NLGN1: variants seen among roughly 807,000 people sequenced by gnomAD.
The protein encoded by NLGN1 is neuroligin-1.
A neutral mutation model predicts 65.5 loss-of-function variants in NLGN1; 12 were observed. That is an observed-to-expected ratio of 0.18 (90% CI 0.12 to 0.30). The LOEUF is 0.30. Ranked by LOEUF, NLGN1 falls within the 10% of genes least tolerant of loss-of-function variation. The pLI is 1.00. For synonymous variants in NLGN1, 350 were observed against 359.5 expected, an observed-to-expected ratio of 0.97 and a Z score of 0.30; for missense variants, 750 against 1,007.1, an observed-to-expected ratio of 0.74 and a Z score of 3.46.
chr3:173,728,792 G>A lies in NLGN1; in HGVS notation c.494-78888G>A, dbSNP rs997576098. Reference sequence around the variant, plus strand: ...GGAAGCCCCCAGAAGCTAGGAAGACGCAAAGAAGGATTTTTTTCCCTAGAG... The same window carrying A: ...GGAAGCCCCCAGAAGCTAGGAAGACACAAAGAAGGATTTTTTTCCCTAGAG... On this transcript the variant is annotated intron_variant, in intron 3 of 6. Coordinates refer to ENST00000457714, the Ensembl canonical transcript of NLGN1. Among the ~76,000 whole-genome samples the A allele has an allele frequency of 3.9e-5, 6 of 152,172 alleles. 1 individual carries two copies. In the East Asian group the frequency reaches 9.7e-4, roughly 25 times the overall value.
intron 3 of NLGN1, among the ~76,000 whole-genome samples, chr3:173,646,016 C>T (rs1377047005): frequency 6.6e-6 from 1 of 152,128 alleles, no homozygotes; most frequent in African/African-American, 2.4e-5. Flanking sequence ...TGGCAGTGGA[C>T]AGGTGAAATC....
intron 2 of NLGN1, among the ~76,000 whole-genome samples, chr3:173,555,022 A>G (rs1741486319): frequency 6.6e-6 from 1 of 152,164 alleles, no homozygotes; most frequent in South Asian, 2.1e-4. Context: ...GTTGAACACC[A>G]TTCTGTGTGC....
At chr3:173,550,428 C>G (rs1396405939) in intron 2 of NLGN1, among the ~76,000 whole-genome samples, 1 of 151,892 alleles carries the variant, frequency 6.6e-6, no homozygotes, top group Non-Finnish European at 1.5e-5. Context: ...AACTCAAGTT[C>G]AAGAAGAGCA....
At chr3:174,234,688 G>A (rs915390567) in intron 4 of NLGN1, among the ~76,000 whole-genome samples, 3 of 152,114 alleles carry the variant, frequency 2.0e-5, no homozygotes, top group African/African-American at 7.2e-5. Flanking sequence ...TCACCTGATG[G>A]TTGCCTGACA....
At chr3:173,645,301 G>T (rs1758069497) in intron 3 of NLGN1, among the ~76,000 whole-genome samples, 1 of 152,222 alleles carries the variant, frequency 6.6e-6, no homozygotes, top group African/African-American at 2.4e-5. Flanking sequence ...TCACAGACAT[G>T]CATAGCTCCC....
chr3:173,802,745 C>T (rs1175416072), intron 3 of NLGN1, among the ~76,000 whole-genome samples: 1 of 152,132 alleles, frequency 6.6e-6, no homozygotes, highest in Non-Finnish European at 1.5e-5. Context: ...AGTTCCCCTC[C>T]ACCTATGCTT....
chr3:173,867,052 G>T (rs1388580738), intron 4 of NLGN1, among the ~76,000 whole-genome samples: 1 of 152,122 alleles, frequency 6.6e-6, no homozygotes, highest in Non-Finnish European at 1.5e-5. Context: ...AGCACAGTCT[G>T]TCTGTCTGTA....
chr3:173,791,397 C>T (rs1293453594), intron 3 of NLGN1, among the ~76,000 whole-genome samples: 1 of 152,096 alleles, frequency 6.6e-6, no homozygotes. Flanking sequence ...ATTCCGCACA[C>T]CACCCAATTT....
intron 5 of NLGN1, 90 bp downstream of exon 5, chr3:174,275,617 C>T (rs1369442762): frequency 1.3e-6 from 1 of 767,662 alleles, no homozygotes; most frequent in Non-Finnish European, 2.2e-6. Context: ...TTTCTCTGTT[C>T]AAACTGAGTG....
intron 4 of NLGN1, among the ~76,000 whole-genome samples, chr3:174,196,459 G>C (rs1468899282): frequency 6.6e-6 from 1 of 152,064 alleles, no homozygotes; most frequent in Non-Finnish European, 1.5e-5. Context: ...CTCATTTTGA[G>C]TTTTATTCGT....
chr3:173,877,376 A>G (rs1404958006), intron 4 of NLGN1, among the ~76,000 whole-genome samples: 1 of 152,076 alleles, frequency 6.6e-6, no homozygotes, highest in Non-Finnish European at 1.5e-5. Flanking sequence ...ACCTTCAGAG[A>G]CATAAAGGAC....
intron 2 of NLGN1, among the ~76,000 whole-genome samples, chr3:173,555,826 G>A (rs187179266): frequency 3.3e-5 from 5 of 152,236 alleles, no homozygotes; most frequent in Non-Finnish European, 7.4e-5. Context: ...AATGAATTGG[G>A]AAGCGTTCTA....
rs146117122 is a variant in NLGN1, at chr3:173,496,842, A to G, written c.-321+61764A>G. The stretch of plus-strand genomic sequence containing the variant: ...GAGATCTTATTATTAATATTTACTA[A>G]ATTCCTTTTTAATCGAACTCTAGGA... On this transcript the variant is annotated intron_variant, in intron 2 of 6. Coordinates refer to ENST00000457714, the Ensembl canonical transcript of NLGN1. Among the ~76,000 whole-genome samples, 11 of 151,950 alleles carry G rather than the reference A, an allele frequency of 7.2e-5. No homozygotes were observed. In the East Asian group the frequency reaches 2.1e-3, roughly 29 times the overall value.
Position 173,604,333 on chromosome 3 carries a change from A to G in NLGN1, c.-266A>G, listed in dbSNP as rs116420006. 3.4e-3 allele frequency: 1,487 copies of G among 441,478 alleles called. 11 individuals carry two copies. The highest frequency in any genetic ancestry group is 5.1e-3 in the Non-Finnish European group (1,273 of 247,334). 27.3% of individuals were successfully genotyped at this position (441,478 alleles called of 1,614,324 possible). The stretch of plus-strand genomic sequence containing the variant: ...TTTATAAGAGAGAAATCTGCAGTCA[A>G]TGCCCACTCTTGCCACACTGCTAAT... On this transcript the variant is annotated 5_prime_UTR_variant, in exon 3 of 7. An upstream start codon of the reference 5' UTR is lost. Coordinates refer to ENST00000457714, the Ensembl canonical transcript of NLGN1.
intron 4 of NLGN1, among the ~76,000 whole-genome samples, chr3:174,166,755 A>C (rs1727562195): frequency 6.6e-6 from 1 of 151,990 alleles, no homozygotes; most frequent in East Asian, 1.9e-4. Context: ...CTGCCTCAAT[A>C]GTCTTTCTAA....
At chr3:174,183,361 A>T (rs1453790544) in intron 4 of NLGN1, among the ~76,000 whole-genome samples, 1 of 152,156 alleles carries the variant, frequency 6.6e-6, no homozygotes, top group African/African-American at 2.4e-5. Context: ...TTTTGCAAGG[A>T]TCTGAATCTC....
intron 3 of NLGN1, among the ~76,000 whole-genome samples, chr3:173,783,437 A>G (rs9876713): frequency 0.86 from 130,401 of 152,108 alleles, 56,807 homozygotes; most frequent in African/African-American, 0.94. Context: ...TCCAGATAAG[A>G]AGGTTGCAGC....
intron 4 of NLGN1, among the ~76,000 whole-genome samples, chr3:174,137,787 G>A (rs1272141953): frequency 1.3e-5 from 2 of 152,026 alleles, no homozygotes; most frequent in African/African-American, 4.8e-5. Flanking sequence ...ATCTGAAAAG[G>A]AAAATCATTA....
intron 4 of NLGN1, among the ~76,000 whole-genome samples, chr3:173,969,127 A>G (rs1279911467): frequency 6.6e-6 from 1 of 152,080 alleles, no homozygotes; most frequent in African/African-American, 2.4e-5. Context: ...TTTATATTTT[A>G]CTTATTGTCT....
Sources: gnomAD v4.1 joint callset for allele counts (sites outside exome capture counted in the v4.1 genomes callset) on GRCh38, gnomAD v4.1.1 for gene constraint, MANE v1.5 for transcripts, NCBI Gene and HGNC (gene_info 2026-07-23, HGNC 2026-07-21) for gene names.